MYO16: variants seen among roughly 807,000 people sequenced by gnomAD.
MYO16 encodes the protein unconventional myosin-XVI.
MYO16 carries 94 observed loss-of-function variants against 205.3 expected under a neutral mutation model. The observed-to-expected ratio is 0.46, with a 90% CI of 0.39 to 0.54. MYO16 has a LOEUF of 0.54. Among genes scored for constraint, MYO16 ranks in the 20% least tolerant of loss-of-function variants. The pLI, the probability that MYO16 is intolerant of heterozygous loss-of-function variation, is 0.00. For missense variants in MYO16, 2,315 were observed against 2,387.5 expected, an observed-to-expected ratio of 0.97 and a Z score of 0.63; for synonymous variants, 988 against 954.0, an observed-to-expected ratio of 1.04 and a Z score of -0.66.
At chr13:108,755,940 T>C (rs913412549) in intron 4 of MYO16, among the ~76,000 whole-genome samples, 2 of 152,198 alleles carry the variant, frequency 1.3e-5, no homozygotes, top group African/African-American at 2.4e-5. Flanking sequence ...GTAATACATT[T>C]TGAAGTGCTT....
intron 27 of MYO16, among the ~76,000 whole-genome samples, chr13:109,100,327 C>T (rs156999): frequency 0.25 from 38,175 of 152,080 alleles, 4,874 homozygotes; most frequent in Middle Eastern, 0.3. Flanking sequence ...TTCTACCTCT[C>T]AAATAAGTAT....
intron 28 of MYO16, among the ~76,000 whole-genome samples, chr13:109,103,943 C>A (rs963701477): frequency 6.6e-6 from 1 of 152,088 alleles, no homozygotes; most frequent in African/African-American, 2.4e-5. Flanking sequence ...TACAACTATT[C>A]ATAGTTTTTA....
In MYO16 at chr13:108,750,887, T is replaced by C. The variant is rs140933312; in HGVS notation, c.507+23304T>C. Among the ~76,000 whole-genome samples, 6 of 152,270 alleles carry C rather than the reference T, an allele frequency of 3.9e-5. No individual in the cohort carries two copies. The East Asian group carries it at 1.2e-3, about 29-fold the overall frequency. On this transcript the variant is annotated intron_variant, in intron 4 of 34. Transcript: ENST00000457511. ...ACATAAATGGATGTTGGGAGCCAGCTTTCTCATTGATGCAGTGGGAATTTG... is the reference window on the plus strand; with the variant it reads ...ACATAAATGGATGTTGGGAGCCAGCCTTCTCATTGATGCAGTGGGAATTTG...
intron 11 of MYO16, among the ~76,000 whole-genome samples, chr13:108,858,977 A>G (rs1419977527): frequency 6.6e-6 from 1 of 151,958 alleles, no homozygotes; most frequent in African/African-American, 2.4e-5. Flanking sequence ...CCATATGCCC[A>G]TTCCTCCCTC....
chr13:108,599,860 A>G (rs1224820200), intron 1 of MYO16, among the ~76,000 whole-genome samples: 3 of 152,196 alleles, frequency 2.0e-5, no homozygotes, highest in Non-Finnish European at 2.9e-5. Context: ...GTAGCCTTGT[A>G]CAGGCATGGA....
intron 21 of MYO16, among the ~76,000 whole-genome samples, chr13:109,000,113 G>C (rs957090162): frequency 5.9e-5 from 9 of 152,156 alleles, no homozygotes; most frequent in African/African-American, 1.7e-4. Flanking sequence ...CCATCTATCA[G>C]ATTACTTTAG....
chr13:109,176,801 C>G (rs1879214967), intron 33 of MYO16, among the ~76,000 whole-genome samples: 3 of 151,580 alleles, frequency 2.0e-5, no homozygotes, highest in Admixed American at 6.6e-5. Context: ...CACCCACTCA[C>G]CTGCCTCCCT....
chr13:108,510,485 T>TA, the MYO16 span, among the ~76,000 whole-genome samples: 498 of 96,408 alleles, frequency 5.2e-3, 25 homozygotes, highest in African/African-American at 0.019. Context: ...TTTTTTTTTT[T>TA]ATTGTACTTT....
chr13:108,655,365 T>G (rs1881196363), intron 1 of MYO16, among the ~76,000 whole-genome samples: 1 of 152,170 alleles, frequency 6.6e-6, no homozygotes. Flanking sequence ...CACATGATGT[T>G]GAGCCTGCAG....
rs145185688 is a variant in MYO16 at position 108,961,396 on chromosome 13, A to G, written c.2038-143A>G. 8.6e-4 allele frequency: 528 copies of G among 613,512 alleles called. 9 individuals are homozygous for G. In the East Asian group the frequency reaches 0.014, roughly 16 times the overall value. The allele number at this position is 613,512 out of a possible 1,614,324, so 38.0% of individuals were successfully genotyped here. A position where few individuals can be genotyped will look rare whatever the true frequency, so the allele number is the denominator to read the frequency against. On this transcript the variant is annotated intron_variant, in intron 17 of 34. Transcript: ENST00000457511. ...TAGAGACTGGTAGTTTTCTTGCCAT[A>G]TCGAACATTTGGGATCTGCAAACTC...
the MYO16 span, among the ~76,000 whole-genome samples, chr13:108,507,438 G>A: frequency 1.3e-5 from 2 of 151,886 alleles, no homozygotes; most frequent in Non-Finnish European, 2.9e-5. Flanking sequence ...CTTTGAATAT[G>A]TCATTCCACT....
At chr13:108,977,887 T>G (rs996378187) in intron 20 of MYO16, among the ~76,000 whole-genome samples, 2 of 152,148 alleles carry the variant, frequency 1.3e-5, no homozygotes, top group Non-Finnish European at 2.9e-5. Context: ...TCTTCTGGGA[T>G]GTTGACTACA....
chr13:108,559,970 T>C, the MYO16 span, among the ~76,000 whole-genome samples: 2 of 152,272 alleles, frequency 1.3e-5, no homozygotes, highest in Admixed American at 1.3e-4. Context: ...ATTAGTTACT[T>C]AAAAATTGTT....
chr13:108,574,613 C>T, the MYO16 span, among the ~76,000 whole-genome samples: 31,065 of 150,782 alleles, frequency 0.21, 3,222 homozygotes, highest in Middle Eastern at 0.22. Context: ...CTTTCTAATA[C>T]GATTTAAAGT....
chr13:108,880,715 G>C (rs1879571459), intron 12 of MYO16, among the ~76,000 whole-genome samples: 1 of 152,074 alleles, frequency 6.6e-6, no homozygotes, highest in African/African-American at 2.4e-5. Flanking sequence ...CTGTTCCATT[G>C]GTCTATATCT....
intron 4 of MYO16, among the ~76,000 whole-genome samples, chr13:108,765,090 C>T (rs948362891): frequency 3.5e-4 from 53 of 152,254 alleles, no homozygotes; most frequent in African/African-American, 1.2e-3. Context: ...ATCAGTCTCT[C>T]TCCACTCTCC....
intron 18 of MYO16, among the ~76,000 whole-genome samples, chr13:108,961,935 C>T (rs533404641): frequency 6.6e-6 from 1 of 152,204 alleles, no homozygotes; most frequent in Admixed American, 6.5e-5. Context: ...TTCTAAGTAC[C>T]CTTCACCCCA....
In MYO16 at chr13:108,887,754, C is replaced by G. The variant is rs568141718; in HGVS notation, c.1554-618C>G. ...TAGTAGGATCTGCGGAATGACAGAT[C>G]CACATCTGAAGACCTTACTGCCTTA... On this transcript the variant is annotated intron_variant, in intron 13 of 34. Coordinates refer to ENST00000457511, the MANE Select transcript of MYO16 (RefSeq NM_001198950.3). Among the ~76,000 whole-genome samples, 3 of 152,304 alleles carry G rather than the reference C, an allele frequency of 2.0e-5. No individual in the cohort carries two copies. In the East Asian group the frequency reaches 5.8e-4, roughly 29 times the overall value.
intron 2 of MYO16, among the ~76,000 whole-genome samples, chr13:108,676,020 A>G (rs1040871041): frequency 6.6e-6 from 1 of 152,242 alleles, no homozygotes. Flanking sequence ...CCACATGCAT[A>G]ATAAATGTTA....
Sources: allele counts gnomAD v4.1 joint callset (sites outside exome capture counted in the v4.1 genomes callset), GRCh38; gene constraint gnomAD v4.1.1; transcripts MANE v1.5; gene names NCBI Gene and HGNC (gene_info 2026-07-23, HGNC 2026-07-21).